Variants in HSD17B12 observed in about 807,000 individuals in gnomAD.
HSD17B12 encodes hydroxysteroid 17-beta dehydrogenase 12.
A neutral mutation model predicts 39.3 loss-of-function variants in HSD17B12; 32 were observed. The observed-to-expected ratio is 0.81, with a 90% CI of 0.61 to 1.09. HSD17B12 has a LOEUF of 1.09. Ranked by LOEUF, HSD17B12 falls within the 50% of genes least tolerant of loss-of-function variation. The probability of loss-of-function intolerance (pLI) is 0.00; values close to 1 mark genes in which losing one functional copy is unlikely to be tolerated. For missense variants in HSD17B12, 342 were observed against 382.9 expected (o/e 0.89, Z 0.89); for synonymous variants, 150 against 146.7 (o/e 1.02, Z -0.16).
chr11:43,781,091 T>TC (rs911789610), intron 3 of HSD17B12, among the ~76,000 whole-genome samples: 4 of 152,040 alleles, frequency 2.6e-5, no homozygotes, highest in Non-Finnish European at 5.9e-5. Context: ...TATCTTGTCT[T>TC]CCCCCCAACG....
chr11:43,852,041 A>G (rs945589833), intron 9 of HSD17B12: 1 of 152,214 alleles, frequency 6.6e-6, no homozygotes, highest in African/African-American at 2.4e-5. Flanking sequence ...CCACTAGGCC[A>G]TGTTAACTGC....
At position 43,698,349 on chromosome 11, in the gene HSD17B12, G is replaced by A. The variant is rs1228462543; in HGVS notation, c.160+17362G>A. Among the ~76,000 whole-genome samples, 4 of 152,202 alleles carry A rather than the reference G, an allele frequency of 2.6e-5. No homozygotes were observed. The South Asian group carries it at 6.2e-4, about 24-fold the overall frequency. ...AGCTGAGCCTAAGTCCTTTGGTCTA[G>A]CCATCATTTAAGTTGTTCTAAATTA... is the stretch of plus-strand genomic sequence containing the variant. On this transcript the variant is annotated intron_variant, in intron 1 of 10. Coordinates refer to ENST00000278353, the MANE Select transcript of HSD17B12 (RefSeq NM_016142.3).
the HSD17B12 span, among the ~76,000 whole-genome samples, chr11:43,665,360 A>G: frequency 1.3e-5 from 2 of 152,184 alleles, no homozygotes; most frequent in African/African-American, 4.8e-5. Context: ...CTGGGACTGC[A>G]GGCATGCGCC....
At chr11:43,696,839 G>T (rs1411296843) in intron 1 of HSD17B12, among the ~76,000 whole-genome samples, 1 of 152,106 alleles carries the variant, frequency 6.6e-6, no homozygotes, top group Admixed American at 6.5e-5. Context: ...ACCAAAAAAG[G>T]AATGAGATCA....
At chr11:43,714,604 C>T (rs573276974) in intron 1 of HSD17B12, among the ~76,000 whole-genome samples, 53 of 152,154 alleles carry the variant, frequency 3.5e-4, no homozygotes, top group African/African-American at 1.2e-3. Context: ...CTTGGTGATG[C>T]GGGCTCTTTT....
the HSD17B12 span, among the ~76,000 whole-genome samples, chr11:43,662,807 G>A: frequency 6.6e-6 from 1 of 151,968 alleles, no homozygotes; most frequent in African/African-American, 2.4e-5. Flanking sequence ...CTACCTTGGG[G>A]GTAGGGAAAG....
the HSD17B12 span, among the ~76,000 whole-genome samples, chr11:43,590,743 C>A: frequency 6.7e-6 from 1 of 149,972 alleles, no homozygotes; most frequent in African/African-American, 2.4e-5. Flanking sequence ...ATCTCCTGAC[C>A]TTGTGATCTG....
At chr11:43,835,397 AC>A (rs1951359706) in intron 7 of HSD17B12, among the ~76,000 whole-genome samples, 2 of 152,150 alleles carry the variant, frequency 1.3e-5, no homozygotes, top group South Asian at 4.1e-4. Flanking sequence ...GAGAACAGAT[AC>A]TGTATACAGT....
At chr11:43,693,877 A>T (rs1160707633) in intron 1 of HSD17B12, among the ~76,000 whole-genome samples, 1 of 152,204 alleles carries the variant, frequency 6.6e-6, no homozygotes, top group East Asian at 1.9e-4. Flanking sequence ...CATACAGTAG[A>T]CAGGTTCCCC....
At position 43,775,925 on chromosome 11, in the gene HSD17B12, G is replaced by A. The variant is rs1212349335; in HGVS notation, c.283+21804G>A. 4.6e-5 allele frequency among the ~76,000 whole-genome samples: 7 copies of A among 152,036 alleles called. No individual in the cohort carries two copies. The South Asian group carries it at 6.2e-4, about 14-fold the overall frequency. ...TTTCCAATTTCATCCATGTCCCTAC[G>A]AAGGACATGAACTCATCATTTTTTA... is the stretch of plus-strand genomic sequence containing the variant. On this transcript the variant is annotated intron_variant, in intron 3 of 10. Transcript: ENST00000278353.
the HSD17B12 span, among the ~76,000 whole-genome samples, chr11:43,654,238 G>A: frequency 2.6e-5 from 4 of 152,076 alleles, no homozygotes; most frequent in Non-Finnish European, 4.4e-5. Context: ...TTTTTGATGG[G>A]GTTGTTTGCT....
chr11:43,773,429 G>T (rs1394012768), intron 3 of HSD17B12, among the ~76,000 whole-genome samples: 1 of 152,026 alleles, frequency 6.6e-6, no homozygotes, highest in African/African-American at 2.4e-5. Flanking sequence ...TCATAGAGTT[G>T]GAATCTTGCT....
chr11:43,747,435 G>C (rs1272044268), intron 1 of HSD17B12, among the ~76,000 whole-genome samples: 1 of 152,078 alleles, frequency 6.6e-6, no homozygotes, highest in Non-Finnish European at 1.5e-5. Flanking sequence ...TTGGAAACAG[G>C]GCTTGTGGGG....
At position 43,841,607 on chromosome 11, in the gene HSD17B12, T is replaced by G. The variant is rs117666004; in HGVS notation, c.684+1543T>G. ...GATATAATGCTGTGAAAACACAAAA[T>G]ATGAGAGAAAGCAAATATAGGAGTT... On this transcript the variant is annotated intron_variant, in intron 9 of 10. Coordinates refer to ENST00000278353, the MANE Select transcript of HSD17B12 (RefSeq NM_016142.3). Among the ~76,000 whole-genome samples the G allele has an allele frequency of 2.3e-3, 348 of 152,342 alleles. 5 individuals are homozygous for G. The East Asian group carries it at 0.025, about 11-fold the overall frequency.
At chr11:43,708,488 C>T (rs1302983072) in intron 1 of HSD17B12, among the ~76,000 whole-genome samples, 1 of 152,046 alleles carries the variant, frequency 6.6e-6, no homozygotes, top group Non-Finnish European at 1.5e-5. Flanking sequence ...AATTGCATCC[C>T]CCATTGGATC....
At chr11:43,589,263 T>C in the HSD17B12 span, among the ~76,000 whole-genome samples, 72,958 of 151,984 alleles carry the variant, frequency 0.48, 17,923 homozygotes, top group East Asian at 0.73. Context: ...CCTAAAACAC[T>C]CCTGCCTCAA....
At chr11:43,771,462 C>CTTTTTTTTTT (rs34783257) in intron 3 of HSD17B12, among the ~76,000 whole-genome samples, 2 of 90,630 alleles carry the variant, frequency 2.2e-5, no homozygotes, top group Non-Finnish European at 4.0e-5. Context: ...GACTCATATT[C>CTTTTTTTTTT]TTTTTTTTTT....
At position 43,856,167 on chromosome 11, in the gene HSD17B12, T is replaced by C. The variant is rs1011755670; in HGVS notation, c.*919T>C. On this transcript the variant is annotated 3_prime_UTR_variant, in exon 11 of 11. Coordinates refer to ENST00000278353, the MANE Select transcript of HSD17B12 (RefSeq NM_016142.3). ...TACAGGTAGCTATTGATATAATTAG[T>C]TTTAATAAAACATGCTGCAACCATG... is the stretch of plus-strand genomic sequence containing the variant. 8.5e-5 allele frequency: 13 copies of C among 152,210 alleles called. No homozygotes were observed. The highest frequency in any genetic ancestry group is 2.9e-4 in the African/African-American group (12 of 41,434). 9.4% of individuals were successfully genotyped at this position (152,210 alleles called of 1,614,324 possible).
the HSD17B12 span, among the ~76,000 whole-genome samples, chr11:43,635,295 C>T: frequency 6.6e-6 from 1 of 152,062 alleles, no homozygotes; most frequent in African/African-American, 2.4e-5. Context: ...TTTGTGCATG[C>T]ACAAGAGGGG....
Sources: gnomAD v4.1 joint callset for allele counts (sites outside exome capture counted in the v4.1 genomes callset) on GRCh38, gnomAD v4.1.1 for gene constraint, MANE v1.5 for transcripts, NCBI Gene and HGNC (gene_info 2026-07-23, HGNC 2026-07-21) for gene names.